PYHIN1: variants seen among roughly 807,000 people sequenced by gnomAD.
The protein encoded by PYHIN1 is pyrin and HIN domain-containing protein 1.
PYHIN1 carries 32 observed loss-of-function variants against 43.7 expected under a neutral mutation model. The ratio of observed to expected loss-of-function variants is 0.73; its 90% CI spans 0.55 to 0.98. The LOEUF (loss-of-function observed/expected upper bound fraction) is 0.98, where lower values mean the gene tolerates loss of function less well. PYHIN1 is among the 50% of genes least tolerant of loss of function. The pLI is 0.00. For synonymous variants in PYHIN1, 205 were observed against 203.1 expected, an observed-to-expected ratio of 1.01 and a Z score of -0.08; for missense variants, 588 against 589.5, an observed-to-expected ratio of 1.00 and a Z score of 0.03.
chr1:158,971,383 C>G lies in PYHIN1; in HGVS notation c.1360-2264C>G, dbSNP rs143973541. Among the ~76,000 whole-genome samples the G allele has an allele frequency of 1.5e-4, 23 of 151,950 alleles. No homozygotes were observed. The East Asian group carries it at 4.2e-3, about 28-fold the overall frequency. On this transcript the variant is annotated intron_variant, in intron 7 of 8. Transcript: ENST00000368140. ...GCTTTCCTTAGTGCTTAGAGAGAAT[C>G]ACATGTGATTTTCCAGACACCCATT...
In PYHIN1 at chr1:158,937,121, G is replaced by A; in HGVS notation, c.211G>A (p.Glu71Lys). The A allele has an allele frequency of 6.2e-7, 1 of 1,611,716 alleles. No individual in the cohort carries two copies. The change falls in exon 2 of 9, where the codon GAA becomes AAA. Residue 71 changes from glutamate (E) to lysine (K), a missense_variant. By Grantham distance (56) the Glu-to-Lys change is moderately conservative. Transcript: ENST00000368140. ...GGGCAAACTAATAGAATTCTTCAAA[G>A]AAATACCAACACTGGGAGACCTTGC... is the stretch of plus-strand genomic sequence containing the variant. ...GLGKLIEFFKEIPTLGDLAET... is the reference protein window; with the variant it reads ...GLGKLIEFFKKIPTLGDLAET...
intron 1 of PYHIN1, among the ~76,000 whole-genome samples, chr1:158,932,175 C>A (rs1439940135): frequency 6.6e-6 from 1 of 152,078 alleles, no homozygotes; most frequent in Non-Finnish European, 1.5e-5. Flanking sequence ...ATGGATACGG[C>A]TAGAGAACAT....
chr1:158,977,136 G>T (rs56039305), downstream of PYHIN1: 19,579 of 152,738 alleles, frequency 0.13, 1,377 homozygotes, highest in African/African-American at 0.16. Context: ...TCAGGGTGGG[G>T]CACACAGATT....
intron 7 of PYHIN1, among the ~76,000 whole-genome samples, chr1:158,971,272 T>A (rs1177881818): frequency 6.6e-6 from 1 of 151,268 alleles, no homozygotes. Context: ...TGAATGAGAG[T>A]GATTTGATAT....
the PYHIN1 span, among the ~76,000 whole-genome samples, chr1:158,983,856 T>C: frequency 6.6e-6 from 1 of 152,158 alleles, no homozygotes; most frequent in Non-Finnish European, 1.5e-5. Flanking sequence ...GTCTTCCTGG[T>C]TCAATCTTGG....
chr1:158,987,328 T>C, the PYHIN1 span, among the ~76,000 whole-genome samples: 1 of 152,248 alleles, frequency 6.6e-6, no homozygotes, highest in East Asian at 1.9e-4. Flanking sequence ...TCAAGCATTT[T>C]CAAAAATACT....
chr1:158,974,223 T>C (rs1465718882), intron 8 of PYHIN1, among the ~76,000 whole-genome samples: 1 of 152,034 alleles, frequency 6.6e-6, no homozygotes, highest in African/African-American at 2.4e-5. Flanking sequence ...TCTCATCTCT[T>C]CATTTGCCCC....
downstream of PYHIN1, among the ~76,000 whole-genome samples, chr1:158,981,918 G>T (rs1216409636): frequency 1.3e-5 from 2 of 152,124 alleles, no homozygotes; most frequent in African/African-American, 4.8e-5. Context: ...TTTTTCACAT[G>T]CTTGTTAGTT....
chr1:158,937,350 A>G (rs1648622541), intron 2 of PYHIN1, among the ~76,000 whole-genome samples, 175 bp downstream of exon 2: 1 of 152,188 alleles, frequency 6.6e-6, no homozygotes, highest in Non-Finnish European at 1.5e-5. Context: ...GCATTCCATT[A>G]CTAAAGTGGA....
rs980460128 is a variant in PYHIN1 at position 158,931,624 on chromosome 1, C to T, written c.-173C>T. The T allele has an allele frequency of 1.3e-5, 2 of 152,204 alleles. No individual in the cohort carries two copies. The highest frequency in any genetic ancestry group is 2.9e-5 in the Non-Finnish European group (2 of 68,040). The allele number at this position is 152,204 out of a possible 1,614,324, so 9.4% of individuals were successfully genotyped here. A position where few individuals can be genotyped will look rare whatever the true frequency, so the allele number is the denominator to read the frequency against. On this transcript the variant is annotated 5_prime_UTR_variant, in exon 1 of 9. Coordinates refer to ENST00000368140, the MANE Select transcript of PYHIN1 (RefSeq NM_152501.5). ...TTTTCCCTTGTTGTCTTTGAAAATA[C>T]TTCATTTTCTTAGCATTTCAGGAGA...
chr1:158,951,722 A>T (rs1287574349), intron 7 of PYHIN1, among the ~76,000 whole-genome samples: 1 of 152,142 alleles, frequency 6.6e-6, no homozygotes, highest in Non-Finnish European at 1.5e-5. Flanking sequence ...TTAAGAGAGT[A>T]TCATCCATAA....
At chr1:158,962,503 G>A (rs1256492390) in intron 7 of PYHIN1, among the ~76,000 whole-genome samples, 2 of 152,186 alleles carry the variant, frequency 1.3e-5, no homozygotes, top group African/African-American at 2.4e-5. Flanking sequence ...GGGCCTTCAG[G>A]CCTAGGACTC....
intron 4 of PYHIN1, chr1:158,940,402 T>C (rs957817947): frequency 6.6e-6 from 1 of 151,708 alleles, no homozygotes; most frequent in Non-Finnish European, 1.5e-5. Context: ...GCTCAGGAGT[T>C]TGGGAAAATG....
chr1:158,977,669 G>A (rs1309229755), downstream of PYHIN1, among the ~76,000 whole-genome samples: 1 of 152,128 alleles, frequency 6.6e-6, no homozygotes, highest in East Asian at 1.9e-4. Context: ...GGCACCTGGT[G>A]TAATTATTTT....
chr1:158,933,303 A>G lies in PYHIN1; in HGVS notation c.-21+1527A>G, dbSNP rs1648278911. Among the ~76,000 whole-genome samples, 1 of 151,372 alleles carries G rather than the reference A, an allele frequency of 6.6e-6. No homozygotes were observed. The highest frequency in any genetic ancestry group is 1.5e-5 in the Non-Finnish European group (1 of 67,756). ...AGATAAATATATTATATAACATTAT[A>G]TTATCATGAAGGACTATACAATAAT... On this transcript the variant is annotated intron_variant, in intron 1 of 8. Coordinates refer to ENST00000368140, the MANE Select transcript of PYHIN1 (RefSeq NM_152501.5). The surrounding 1 kb of genome is among the most constrained non-coding windows in gnomAD (Gnocchi z 6.3).
chr1:158,972,428 T>C (rs1394295715), intron 7 of PYHIN1, among the ~76,000 whole-genome samples: 1 of 152,066 alleles, frequency 6.6e-6, no homozygotes, highest in African/African-American at 2.4e-5. Context: ...GAGATGCTAC[T>C]AGATTCTAGG....
intron 7 of PYHIN1, among the ~76,000 whole-genome samples, chr1:158,959,089 A>C (rs976730219): frequency 6.7e-6 from 1 of 149,946 alleles, no homozygotes; most frequent in African/African-American, 2.5e-5. Flanking sequence ...AGTTTTTTTC[A>C]CCTTCGTTTT....
Position 158,976,692 on chromosome 1 carries a change from T to C in PYHIN1, c.*6-9T>C. On this transcript the variant is annotated splice_polypyrimidine_tract_variant and intron_variant, in intron 8 of 8. Transcript: ENST00000368140. ...CAACGGGTTTATTTTTATCTCTTTA[T>C]GCTTCAAGGTCACCAAGGACAAGGA... The C allele has an allele frequency of 6.3e-7, 1 of 1,587,100 alleles. No individual in the cohort carries two copies. Among genetic ancestry groups the C allele is most frequent in the Non-Finnish European group, 8.6e-7 (1 of 1,165,342 alleles).
At chr1:158,973,915 A>G in intron 8 of PYHIN1, 144 bp downstream of exon 8, 1 of 975,380 alleles carries the variant, frequency 1.0e-6, no homozygotes, top group Non-Finnish European at 1.5e-6. Context: ...TCAATATATA[A>G]TTGGACATGC....
Sources: gnomAD v4.1 joint callset for allele counts (sites outside exome capture counted in the v4.1 genomes callset) on GRCh38, gnomAD v4.1.1 for gene constraint, Gnocchi (gnomAD v3.1) non-coding constraint, MANE v1.5 for transcripts, NCBI Gene and HGNC (gene_info 2026-07-23, HGNC 2026-07-21) for gene names.